Variants in RIMS1 observed in about 807,000 individuals in gnomAD.
RIMS1 encodes the protein regulating synaptic membrane exocytosis protein 1.
A neutral mutation model predicts 214.1 loss-of-function variants in RIMS1; 83 were observed. The ratio of observed to expected loss-of-function variants is 0.39; its 90% CI spans 0.32 to 0.47. The LOEUF (loss-of-function observed/expected upper bound fraction) is 0.47, where lower values mean the gene tolerates loss of function less well. Among genes scored for constraint, RIMS1 ranks in the 20% least tolerant of loss-of-function variants. The pLI, the probability that RIMS1 is intolerant of heterozygous loss-of-function variation, is 0.99. For missense variants in RIMS1, 2,050 were observed against 2,161.8 expected (o/e 0.95, Z 1.03); for synonymous variants, 793 against 786.8 (o/e 1.01, Z -0.13).
At chr6:72,151,201 C>G (rs574883305) in intron 4 of RIMS1, among the ~76,000 whole-genome samples, 1 of 152,234 alleles carries the variant, frequency 6.6e-6, no homozygotes, top group East Asian at 1.9e-4. Context: ...CGCCACCATG[C>G]CTGGCTAATT....
chr6:72,335,405 C>T lies in RIMS1; in HGVS notation c.4366+1570C>T, dbSNP rs181142262. On this transcript the variant is annotated intron_variant, in intron 29 of 33. Coordinates refer to ENST00000521978, the MANE Select transcript of RIMS1 (RefSeq NM_014989.7). ...TCATCCATGTCCCTGCAAAGGGCTT[C>T]ATCCTTTTTTATGGCTGCATAGTAT... Among the ~76,000 whole-genome samples, 719 of 151,954 alleles carry T rather than the reference C, an allele frequency of 4.7e-3. 1 individual carries two copies. The highest frequency in any genetic ancestry group is 0.01 in the South Asian group (49 of 4,826).
At chr6:72,372,646 T>C (rs149828329) in intron 29 of RIMS1, among the ~76,000 whole-genome samples, 1 of 152,228 alleles carries the variant, frequency 6.6e-6, no homozygotes, top group Admixed American at 6.5e-5. Context: ...TGAAGGAGCA[T>C]ACTTAAGAAT....
chr6:71,918,567 G>A (rs1393626846), intron 1 of RIMS1, among the ~76,000 whole-genome samples: 1 of 152,106 alleles, frequency 6.6e-6, no homozygotes, highest in Non-Finnish European at 1.5e-5. Flanking sequence ...AGCAGTATGG[G>A]GATAATTTGA....
chr6:72,216,693 G>A (rs923698792), intron 6 of RIMS1: 23 of 985,204 alleles, frequency 2.3e-5, no homozygotes, highest in Middle Eastern at 5.2e-4. Flanking sequence ...CTTAATCCAT[G>A]GGTATCCCAG....
chr6:72,310,915 A>G (rs2154291675), intron 27 of RIMS1, among the ~76,000 whole-genome samples: 1 of 152,296 alleles, frequency 6.6e-6, no homozygotes, highest in African/African-American at 2.4e-5. Context: ...GTATTATGAC[A>G]TAATTTTTGA....
Position 72,133,902 on chromosome 6 carries a change from T to C in RIMS1, c.471+33916T>C, listed in dbSNP as rs1176176420. ...GGTGTTAGGCAGCTGAGGACTCAGATCCTGGCTGCATACTTATAAGTTGGA... is the reference window on the plus strand; with the variant it reads ...GGTGTTAGGCAGCTGAGGACTCAGACCCTGGCTGCATACTTATAAGTTGGA... On this transcript the variant is annotated intron_variant, in intron 4 of 33. Coordinates refer to ENST00000521978, the MANE Select transcript of RIMS1 (RefSeq NM_014989.7). 3.3e-5 allele frequency among the ~76,000 whole-genome samples: 5 copies of C among 152,248 alleles called. No homozygotes were observed. In the South Asian group the frequency reaches 1.0e-3, roughly 32 times the overall value.
chr6:72,342,597 G>C (rs973277021), intron 29 of RIMS1, among the ~76,000 whole-genome samples: 9 of 151,018 alleles, frequency 6.0e-5, no homozygotes, highest in Admixed American at 1.3e-4. Context: ...ACCAGACTCT[G>C]TAATTGAGGG....
intron 1 of RIMS1, among the ~76,000 whole-genome samples, chr6:71,954,546 G>GA (rs1394997892): frequency 6.6e-6 from 1 of 151,930 alleles, no homozygotes; most frequent in Non-Finnish European, 1.5e-5. Context: ...TATTTTCTTT[G>GA]AAAAAGTGTA....
rs578248344 is a variant in RIMS1, at chr6:72,065,506, G to A, written c.246-31443G>A. Among the ~76,000 whole-genome samples, 320 of 152,018 alleles carry A rather than the reference G, an allele frequency of 2.1e-3. 2 individuals are homozygous for A. Among genetic ancestry groups the A allele is most frequent in the African/African-American group, 7.4e-3 (307 of 41,462 alleles). ...ATTTTTATCTTTTTGTTAGTTGTTT[G>A]TTCCTCTCCGAGGAAAAAAGAGACC... On this transcript the variant is annotated intron_variant, in intron 2 of 33. Coordinates refer to ENST00000521978, the MANE Select transcript of RIMS1 (RefSeq NM_014989.7).
chr6:72,260,044 GGAATAGGATTCCA>G (rs2077312265), intron 18 of RIMS1, among the ~76,000 whole-genome samples: 1 of 152,072 alleles, frequency 6.6e-6, no homozygotes, highest in African/African-American at 2.4e-5. Flanking sequence ...GCTGCTCTGA[GGAATAGGATTCCA>G]GACATCTCAG....
intron 4 of RIMS1, 37 bp downstream of exon 4, chr6:72,100,023 T>C (rs1295371705): frequency 5.2e-6 from 8 of 1,542,652 alleles, no homozygotes; most frequent in African/African-American, 1.4e-5. Flanking sequence ...CATTTGTTAT[T>C]GTATTGTTGT....
intron 4 of RIMS1, among the ~76,000 whole-genome samples, chr6:72,136,437 A>G (rs932273274): frequency 1.3e-5 from 2 of 152,184 alleles, no homozygotes; most frequent in African/African-American, 4.8e-5. Flanking sequence ...AGGTTTACTT[A>G]CAAAGAAAGG....
At chr6:72,390,959 A>G (rs2098692534) in intron 30 of RIMS1, 5 of 417,564 alleles carry the variant, frequency 1.2e-5, no homozygotes, top group Non-Finnish European at 2.1e-5. Context: ...CTGAGTCCAC[A>G]TGAACAAATT....
intron 30 of RIMS1, among the ~76,000 whole-genome samples, chr6:72,391,352 C>CTTT (rs1344795955): frequency 1.5e-4 from 20 of 134,446 alleles, no homozygotes; most frequent in African/African-American, 5.1e-4. Context: ...GATTCTTTTT[C>CTTT]TTTTTTTTTT....
rs745612902 is a variant in RIMS1 at position 72,182,429 on chromosome 6, G to A, written c.958G>A (p.Glu320Lys). Residue 320 changes from glutamate to lysine, a missense_variant, in exon 6 of 34, where the codon GAG becomes AAG. Glu to Lys is a moderately conservative substitution (Grantham distance 56, BLOSUM62 1). This residue lies in a region of RIMS1 where 882 missense variants were observed against 828.9 expected (regional missense o/e 1.06). Transcript: ENST00000521978. ...RKERRESRRL[E>K]KGRSQDYPDT... ...AGAAAGGCGGGAAAGCCGAAGGCTT[G>A]AGAAAGGGCGATCACAGGATTACCC... The A allele has an allele frequency of 6.2e-7, 1 of 1,613,936 alleles. No individual in the cohort carries two copies. Among genetic ancestry groups the A allele is most frequent in the Admixed American group, 1.7e-5 (1 of 60,020 alleles).
chr6:72,315,416 T>C (rs2154298981), intron 28 of RIMS1, among the ~76,000 whole-genome samples: 1 of 152,314 alleles, frequency 6.6e-6, no homozygotes, highest in East Asian at 1.9e-4. Flanking sequence ...ACTGAGAGTT[T>C]ATTTTATGTA....
chr6:72,386,316 C>A (rs2098600724), intron 29 of RIMS1, among the ~76,000 whole-genome samples: 2 of 152,170 alleles, frequency 1.3e-5, no homozygotes, highest in African/African-American at 4.8e-5. Flanking sequence ...TTAGATAATG[C>A]AAGATAAGTC....
rs115482661 is a variant in RIMS1, at chr6:71,917,387, G to C, written c.164+30200G>C. Among the ~76,000 whole-genome samples, 517 of 152,212 alleles carry C rather than the reference G, an allele frequency of 3.4e-3. 3 individuals are homozygous for C. Among genetic ancestry groups the C allele is most frequent in the African/African-American group, 0.012 (491 of 41,554 alleles). On this transcript the variant is annotated intron_variant, in intron 1 of 33. Coordinates refer to ENST00000521978, the MANE Select transcript of RIMS1 (RefSeq NM_014989.7). ...CAAAACCTGAATGAAACAGAGAAAT[G>C]AACAGTGCTAACATCTAGTGGAGAA...
At chr6:72,046,221 A>T (rs1253063702) in intron 2 of RIMS1, among the ~76,000 whole-genome samples, 1 of 151,966 alleles carries the variant, frequency 6.6e-6, no homozygotes, top group Non-Finnish European at 1.5e-5. Context: ...TTTTCTATTT[A>T]CGTAACCCTC....
Sources: gnomAD v4.1 joint callset for allele counts (sites outside exome capture counted in the v4.1 genomes callset) on GRCh38, gnomAD v4.1.1 for gene constraint, gnomAD v4.1.1 regional missense constraint, MANE v1.5 for transcripts, NCBI Gene and HGNC (gene_info 2026-07-23, HGNC 2026-07-21) for gene names.